SYT1: variants seen among roughly 807,000 people sequenced by gnomAD.
The protein encoded by SYT1 is synaptotagmin-1.
A neutral mutation model predicts 44.8 loss-of-function variants in SYT1; 8 were observed. The observed-to-expected ratio is 0.18, with a 90% CI of 0.10 to 0.32. The LOEUF (loss-of-function observed/expected upper bound fraction) is 0.32, where lower values mean the gene tolerates loss of function less well. Ranked by LOEUF, SYT1 falls within the 10% of genes least tolerant of loss-of-function variation. The pLI is 1.00. For missense variants in SYT1, 286 were observed against 509.3 expected (o/e 0.56, Z 4.22); for synonymous variants, 154 against 188.8 (o/e 0.82, Z 1.51).
At chr12:79,446,249 A>C (rs1426624564) in intron 10 of SYT1, among the ~76,000 whole-genome samples, 3 of 151,752 alleles carry the variant, frequency 2.0e-5, no homozygotes, top group Non-Finnish European at 4.4e-5. Context: ...AATACATAGG[A>C]ACACACAGTA....
chr12:79,199,966 A>G (rs1044171159), intron 3 of SYT1, among the ~76,000 whole-genome samples: 1 of 152,142 alleles, frequency 6.6e-6, no homozygotes, highest in Admixed American at 6.6e-5. Flanking sequence ...ACTTTGTTTA[A>G]GAAAATATGT....
intron 1 of SYT1, among the ~76,000 whole-genome samples, chr12:78,966,275 TTA>T (rs1355521087): frequency 1.5e-4 from 23 of 152,116 alleles, no homozygotes; most frequent in Admixed American, 1.3e-3. Flanking sequence ...TATTATTTAT[TTA>T]TTGTATTTAT....
intron 3 of SYT1, among the ~76,000 whole-genome samples, chr12:79,111,322 C>T (rs541150638): frequency 1.3e-5 from 2 of 152,090 alleles, no homozygotes; most frequent in South Asian, 4.1e-4. Flanking sequence ...TTTTCTCCTG[C>T]CTTACGTAGC....
At chr12:79,324,465 G>A (rs576040487) in intron 8 of SYT1, among the ~76,000 whole-genome samples, 13 of 152,134 alleles carry the variant, frequency 8.5e-5, no homozygotes, top group Non-Finnish European at 1.8e-4. Flanking sequence ...ACCTCTGCCA[G>A]CAAGAACACA....
chr12:79,249,088 C>CTTTCTTTTTTTTTTTTT (rs1877025840), intron 4 of SYT1, among the ~76,000 whole-genome samples: 1 of 71,816 alleles, frequency 1.4e-5, no homozygotes, highest in African/African-American at 6.2e-5. Flanking sequence ...TTACCTCTTT[C>CTTTCTTTTTTTTTTTTT]TTTTTTTTTT....
intron 1 of SYT1, among the ~76,000 whole-genome samples, chr12:78,876,839 A>AT (rs1260769202): frequency 1.9e-4 from 15 of 80,490 alleles, no homozygotes; most frequent in East Asian, 6.9e-4. Flanking sequence ...TGTATTATAT[A>AT]TAATATATAT....
At chr12:79,309,484 G>A (rs1046368469) in intron 8 of SYT1, among the ~76,000 whole-genome samples, 34 of 152,084 alleles carry the variant, frequency 2.2e-4, no homozygotes, top group African/African-American at 8.2e-4. Context: ...TCTGTGGGTG[G>A]AAAACTTATT....
intron 1 of SYT1, among the ~76,000 whole-genome samples, chr12:78,872,369 C>A (rs911398463): frequency 1.3e-5 from 2 of 151,740 alleles, no homozygotes; most frequent in Non-Finnish European, 2.9e-5. Flanking sequence ...GAGACAAGTT[C>A]TTTTATGCCT....
chr12:79,005,602 A>C (rs529666843), intron 2 of SYT1, among the ~76,000 whole-genome samples: 1 of 152,132 alleles, frequency 6.6e-6, no homozygotes, highest in Non-Finnish European at 1.5e-5. Context: ...TTTTGCATAT[A>C]TAATAGCATT....
At chr12:79,443,948 T>C (rs371257772) in intron 9 of SYT1, 125 bp from the exon 10 acceptor site, 2 of 1,038,878 alleles carry the variant, frequency 1.9e-6, no homozygotes, top group East Asian at 2.8e-5. Context: ...GTATTGAATT[T>C]AAAAAATATT....
chr12:79,250,710 C>T (rs564488626), intron 4 of SYT1, among the ~76,000 whole-genome samples: 1 of 152,190 alleles, frequency 6.6e-6, no homozygotes, highest in African/African-American at 2.4e-5. Context: ...GTGGGGGGAA[C>T]TCAACTTCAA....
At chr12:79,074,783 C>G (rs1257359346) in intron 3 of SYT1, among the ~76,000 whole-genome samples, 1 of 152,112 alleles carries the variant, frequency 6.6e-6, no homozygotes, top group Non-Finnish European at 1.5e-5. Context: ...GGGCTTCATT[C>G]AAGCCCAATT....
chr12:78,881,618 A>G (rs1039357809), intron 1 of SYT1, among the ~76,000 whole-genome samples: 1 of 151,790 alleles, frequency 6.6e-6, no homozygotes, highest in Non-Finnish European at 1.5e-5. Context: ...TTGTAAAGCT[A>G]AACTTGATTA....
intron 9 of SYT1, among the ~76,000 whole-genome samples, chr12:79,441,822 T>C (rs775522178): frequency 6.6e-6 from 1 of 152,192 alleles, no homozygotes; most frequent in African/African-American, 2.4e-5. Flanking sequence ...CAGGTACTGC[T>C]CCTTCTGGCT....
chr12:79,167,421 T>C (rs1470218003), intron 3 of SYT1, among the ~76,000 whole-genome samples: 1 of 152,034 alleles, frequency 6.6e-6, no homozygotes, highest in African/African-American at 2.4e-5. Context: ...TGTGTGTTTG[T>C]GTGTGCTTGT....
intron 9 of SYT1, among the ~76,000 whole-genome samples, chr12:79,384,987 ATT>A (rs3067387): frequency 3.1e-5 from 4 of 129,902 alleles, no homozygotes; most frequent in Admixed American, 1.7e-4. Context: ...GGACCACTGG[ATT>A]TTTTTTTTTT....
intron 8 of SYT1, among the ~76,000 whole-genome samples, chr12:79,306,888 C>T (rs1335096703): frequency 6.6e-6 from 1 of 152,070 alleles, no homozygotes; most frequent in Non-Finnish European, 1.5e-5. Context: ...TTGTTTACAT[C>T]TGGTTTTTCA....
intron 8 of SYT1, among the ~76,000 whole-genome samples, chr12:79,327,984 GA>G (rs1402106272): frequency 6.6e-6 from 1 of 152,178 alleles, no homozygotes; most frequent in African/African-American, 2.4e-5. Flanking sequence ...TTAGGGCCTT[GA>G]AGGTGGGAGT....
intron 3 of SYT1, among the ~76,000 whole-genome samples, chr12:79,202,761 A>C (rs1205567706): frequency 5.3e-5 from 8 of 152,212 alleles, no homozygotes; most frequent in Admixed American, 3.9e-4. Context: ...TAGAACATTC[A>C]ATTGGAATGC....
Sources: gnomAD v4.1 joint callset for allele counts (sites outside exome capture counted in the v4.1 genomes callset) on GRCh38, gnomAD v4.1.1 for gene constraint, MANE v1.5 for transcripts, NCBI Gene and HGNC (gene_info 2026-07-23, HGNC 2026-07-21) for gene names.